Variants in DACH2 observed in about 807,000 individuals in gnomAD.
DACH2 encodes dachshund homolog 2.
DACH2 carries 17 observed loss-of-function variants against 35.8 expected under a neutral mutation model. The observed-to-expected ratio is 0.48, with a 90% CI of 0.33 to 0.71. The LOEUF is 0.71. Among genes scored for constraint, DACH2 ranks in the 30% least tolerant of loss-of-function variants. The pLI is 0.02. For missense variants in DACH2, 469 were observed against 472.7 expected, an observed-to-expected ratio of 0.99 and a Z score of 0.07; for synonymous variants, 195 against 177.3, an observed-to-expected ratio of 1.10 and a Z score of -0.79.
At chrX:86,786,644 C>T (rs1356920087) in intron 7 of DACH2, among the ~76,000 whole-genome samples, 1 of 112,241 alleles carries the variant, frequency 8.9e-6, no homozygotes, top group Non-Finnish European at 1.9e-5. Context: ...TTCTACATAA[C>T]ATTTTTCTGT....
intron 1 of DACH2, among the ~76,000 whole-genome samples, chrX:86,356,171 C>T (rs1272176957): frequency 8.9e-6 from 1 of 111,846 alleles, no homozygotes; most frequent in Non-Finnish European, 1.9e-5. Context: ...TTAGGTTTTA[C>T]ATTTAAATAT....
At chrX:86,257,779 T>A (rs1163501875) in intron 1 of DACH2, among the ~76,000 whole-genome samples, 3 of 112,480 alleles carry the variant, frequency 2.7e-5, no homozygotes, top group Non-Finnish European at 5.6e-5. Flanking sequence ...TAATTAATTC[T>A]AATGACAATA....
At chrX:86,266,913 T>C (rs1386222264) in intron 1 of DACH2, among the ~76,000 whole-genome samples, 1 of 112,186 alleles carries the variant, frequency 8.9e-6, no homozygotes, top group Non-Finnish European at 1.9e-5. Context: ...TGATAGTTAA[T>C]ATATATTATG....
chrX:86,778,786 T>G (rs1369849527), intron 7 of DACH2, among the ~76,000 whole-genome samples: 1 of 110,918 alleles, frequency 9.0e-6, no homozygotes, highest in Non-Finnish European at 1.9e-5. Flanking sequence ...AATTTTTGTT[T>G]TTTTAGTAGA....
intron 3 of DACH2, among the ~76,000 whole-genome samples, chrX:86,635,447 G>C (rs1384702540): frequency 9.1e-6 from 1 of 110,410 alleles, no homozygotes; most frequent in African/African-American, 3.3e-5. Flanking sequence ...AAAGCCAGAA[G>C]CATTCCCCTT....
At chrX:86,743,985 G>T (rs1205517400) in intron 7 of DACH2, among the ~76,000 whole-genome samples, 1 of 111,018 alleles carries the variant, frequency 9.0e-6, no homozygotes, top group Non-Finnish European at 1.9e-5. Context: ...GTCCCAAGCT[G>T]TACATGATGC....
intron 5 of DACH2, among the ~76,000 whole-genome samples, chrX:86,704,164 T>C: frequency 9.0e-6 from 1 of 111,282 alleles, no homozygotes; most frequent in Admixed American, 9.5e-5. Context: ...AGCTAATTTT[T>C]GACAAAGCAT....
At chrX:86,723,662 A>T (rs1290044766) in intron 6 of DACH2, among the ~76,000 whole-genome samples, 4 of 111,681 alleles carry the variant, frequency 3.6e-5, no homozygotes, top group Non-Finnish European at 1.9e-5. Context: ...AAGATGCTGG[A>T]TATGAATTTG....
intron 3 of DACH2, among the ~76,000 whole-genome samples, chrX:86,557,423 G>A (rs964770224): frequency 5.6e-5 from 6 of 106,429 alleles, no homozygotes; most frequent in Non-Finnish European, 1.2e-4. Flanking sequence ...TTGGCGATGC[G>A]GGCTCTTTTT....
At chrX:86,268,945 A>G (rs1351512097) in intron 1 of DACH2, among the ~76,000 whole-genome samples, 1 of 111,445 alleles carries the variant, frequency 9.0e-6, no homozygotes, top group African/African-American at 3.3e-5. Flanking sequence ...AAAATGGAGT[A>G]TCCATCCCCT....
intron 1 of DACH2, among the ~76,000 whole-genome samples, chrX:86,334,864 G>A (rs758804930): frequency 1.5e-4 from 17 of 111,617 alleles, no homozygotes; most frequent in African/African-American, 5.5e-4. Context: ...ATTGCCTAGC[G>A]TTTCTTCTAG....
At chrX:86,668,532 T>C (rs558098788) in intron 4 of DACH2, among the ~76,000 whole-genome samples, 4 of 112,033 alleles carry the variant, frequency 3.6e-5, no homozygotes, top group African/African-American at 1.3e-4. Flanking sequence ...GAAATGTATT[T>C]TGTTTAATGA....
chrX:86,293,207 T>C (rs1284495503), intron 1 of DACH2, among the ~76,000 whole-genome samples: 2 of 106,630 alleles, frequency 1.9e-5, no homozygotes, highest in Non-Finnish European at 3.8e-5. Flanking sequence ...TTTTGATCTT[T>C]GTTGATTTAA....
intron 1 of DACH2, among the ~76,000 whole-genome samples, chrX:86,214,764 A>G (rs907697703): frequency 8.9e-6 from 1 of 111,902 alleles, no homozygotes; most frequent in Non-Finnish European, 1.9e-5. Context: ...TGGGTTCACA[A>G]TGAAAAACCT....
intron 7 of DACH2, among the ~76,000 whole-genome samples, chrX:86,775,030 A>G (rs1337341699): frequency 1.8e-5 from 2 of 111,622 alleles, no homozygotes; most frequent in East Asian, 5.7e-4. Context: ...CAGGGCCCTC[A>G]CTATAGGGAC....
intron 6 of DACH2, among the ~76,000 whole-genome samples, chrX:86,725,829 G>A (rs190510050): frequency 1.1e-3 from 126 of 111,437 alleles, no homozygotes; most frequent in Admixed American, 2.1e-3. Context: ...CCCCTGGCCT[G>A]CTGGTAGCAC....
chrX:86,302,066 TG>T (rs2034585868), intron 1 of DACH2, among the ~76,000 whole-genome samples: 1 of 111,891 alleles, frequency 8.9e-6, no homozygotes, highest in Non-Finnish European at 1.9e-5. Flanking sequence ...TTAAATGTCT[TG>T]TACTTAATGC....
chrX:86,389,547 T>G (rs1165515119), intron 2 of DACH2, among the ~76,000 whole-genome samples: 2 of 112,173 alleles, frequency 1.8e-5, no homozygotes, highest in Non-Finnish European at 3.8e-5. Flanking sequence ...ATCTGTAAAC[T>G]GAACATGTTA....
At chrX:86,513,709 G>C (rs900772525) in intron 2 of DACH2, among the ~76,000 whole-genome samples, 1 of 112,123 alleles carries the variant, frequency 8.9e-6, no homozygotes, top group Non-Finnish European at 1.9e-5. Context: ...AGAGTGAACT[G>C]CTTGTTATAC....
Sources: gnomAD v4.1 joint callset for allele counts (sites outside exome capture counted in the v4.1 genomes callset) on GRCh38, gnomAD v4.1.1 for gene constraint, MANE v1.5 for transcripts, NCBI Gene and HGNC (gene_info 2026-07-23, HGNC 2026-07-21) for gene names.